Variants in TMEM108 observed in about 807,000 individuals in gnomAD.
TMEM108 encodes transmembrane protein 108.
TMEM108 carries 12 observed loss-of-function variants against 35.1 expected under a neutral mutation model. The ratio of observed to expected loss-of-function variants is 0.34; its 90% CI spans 0.22 to 0.55. The LOEUF is 0.55. TMEM108 is among the 20% of genes least tolerant of loss of function. The probability of loss-of-function intolerance (pLI) is 0.89; values close to 1 mark genes in which losing one functional copy is unlikely to be tolerated. For missense variants in TMEM108, 680 were observed against 753.3 expected, an observed-to-expected ratio of 0.90 and a Z score of 1.14; for synonymous variants, 287 against 308.6, an observed-to-expected ratio of 0.93 and a Z score of 0.73.
At chr3:133,073,163 A>G (rs1042577570) in intron 2 of TMEM108, among the ~76,000 whole-genome samples, 7 of 152,120 alleles carry the variant, frequency 4.6e-5, no homozygotes, top group African/African-American at 1.7e-4. Flanking sequence ...TCAATTTTGA[A>G]GTATACAGTA....
intron 2 of TMEM108, among the ~76,000 whole-genome samples, chr3:133,183,223 T>C (rs758688172): frequency 6.6e-6 from 1 of 152,182 alleles, no homozygotes; most frequent in Admixed American, 6.5e-5. Flanking sequence ...GTACCATCAC[T>C]TTGCAATGAT....
chr3:133,380,203 G>A lies in TMEM108; in HGVS notation c.492G>A (p.Arg164=), dbSNP rs1035458688. 6.2e-7 allele frequency: 1 copy of A among 1,610,550 alleles called. No individual in the cohort carries two copies. The highest frequency in any genetic ancestry group is 1.3e-5 in the African/African-American group (1 of 74,708). Residue 164 remains arginine (R), a synonymous_variant, in exon 4 of 6, where the codon AGG becomes AGA. Transcript: ENST00000321871. The surrounding 1 kb of genome is among the most constrained non-coding windows in gnomAD (Gnocchi z 5.3). The part of the protein sequence containing the change: ...TTAPPRTTTR[R]PPRPPGSSRK... ...CGCCCCCCCGCACTACCACACGCAG[G>A]CCCCCCAGGCCCCCAGGCTCTTCCC...
At chr3:133,393,913 G>A (rs796126450) in intron 5 of TMEM108, among the ~76,000 whole-genome samples, 1 of 152,326 alleles carries the variant, frequency 6.6e-6, no homozygotes, top group African/African-American at 2.4e-5. Context: ...CTGGTAGAAA[G>A]GGCTGCCCCA....
At chr3:133,065,601 T>C (rs1943597491) in intron 2 of TMEM108, among the ~76,000 whole-genome samples, 1 of 152,212 alleles carries the variant, frequency 6.6e-6, no homozygotes, top group African/African-American at 2.4e-5. Flanking sequence ...CTGCATTTAA[T>C]TAATAGCTTC....
At chr3:133,042,886 C>G (rs1943291710) in intron 1 of TMEM108, among the ~76,000 whole-genome samples, 1 of 152,188 alleles carries the variant, frequency 6.6e-6, no homozygotes, top group Non-Finnish European at 1.5e-5. Context: ...TATGCTGTGT[C>G]TACAGGGCTG....
intron 2 of TMEM108, among the ~76,000 whole-genome samples, chr3:133,103,919 A>G (rs750963407): frequency 2.0e-5 from 3 of 152,226 alleles, no homozygotes; most frequent in Non-Finnish European, 4.4e-5. Flanking sequence ...CTTGGCATGC[A>G]GTATGCCTTC....
At chr3:133,042,554 A>ATATTTATAAAT (rs1260202262) in intron 1 of TMEM108, among the ~76,000 whole-genome samples, 1 of 152,220 alleles carries the variant, frequency 6.6e-6, no homozygotes, top group Non-Finnish European at 1.5e-5. Context: ...GTTATTTCTG[A>ATATTTATAAAT]AGACTAAAAA....
intron 2 of TMEM108, among the ~76,000 whole-genome samples, chr3:133,200,661 A>G (rs1156980798): frequency 6.6e-6 from 1 of 152,210 alleles, no homozygotes; most frequent in Non-Finnish European, 1.5e-5. Flanking sequence ...CTGCTCTTAT[A>G]TCAATGACTT....
At chr3:133,076,475 A>G (rs1943744487) in intron 2 of TMEM108, among the ~76,000 whole-genome samples, 1 of 152,118 alleles carries the variant, frequency 6.6e-6, no homozygotes, top group Non-Finnish European at 1.5e-5. Flanking sequence ...ATGATGTTGG[A>G]GATTGGGCAG....
intron 3 of TMEM108, among the ~76,000 whole-genome samples, chr3:133,250,599 T>G (rs1188498095): frequency 6.6e-6 from 1 of 152,228 alleles, no homozygotes; most frequent in Non-Finnish European, 1.5e-5. Context: ...TGTTCAAGGG[T>G]CAACTCTATT....
intron 2 of TMEM108, among the ~76,000 whole-genome samples, chr3:133,115,358 C>A (rs1362868564): frequency 6.6e-6 from 1 of 152,160 alleles, no homozygotes; most frequent in Non-Finnish European, 1.5e-5. Context: ...ACTCACTGAG[C>A]ACTTACTAGA....
chr3:133,268,171 G>T (rs912330580), intron 3 of TMEM108, among the ~76,000 whole-genome samples: 2 of 152,218 alleles, frequency 1.3e-5, no homozygotes, highest in East Asian at 3.8e-4. Flanking sequence ...GAAGAGAATT[G>T]ATGATGTCAG....
rs572968004 is a variant in TMEM108, at chr3:133,066,820, T to C, written c.-47+20800T>C. On this transcript the variant is annotated intron_variant, in intron 2 of 5. Coordinates refer to ENST00000321871, the MANE Select transcript of TMEM108 (RefSeq NM_023943.4). ...AATTGCATTCCCTCCCTCTCTCCCC[T>C]ACTAGAGGTAATTAGTACACTAAAA... Among the ~76,000 whole-genome samples the C allele has an allele frequency of 2.6e-5, 4 of 152,324 alleles. 1 individual carries two copies. Among genetic ancestry groups the C allele is most frequent in the African/African-American group, 9.6e-5 (4 of 41,586 alleles).
At chr3:133,178,456 C>A (rs1407086276) in intron 2 of TMEM108, among the ~76,000 whole-genome samples, 16 of 152,016 alleles carry the variant, frequency 1.1e-4, no homozygotes, top group Admixed American at 4.6e-4. Flanking sequence ...GGTACCAAAA[C>A]AGAGATATAG....
At chr3:133,387,704 G>C (rs1051558304) in intron 4 of TMEM108, 1 of 651,774 alleles carries the variant, frequency 1.5e-6, no homozygotes, top group African/African-American at 2.0e-5. Context: ...GTGCACCAGG[G>C]ACAATTTGAA....
intron 2 of TMEM108, among the ~76,000 whole-genome samples, chr3:133,102,021 C>T (rs185491874): frequency 1.1e-3 from 161 of 152,276 alleles, no homozygotes; most frequent in African/African-American, 3.8e-3. Flanking sequence ...TATAGAAGTA[C>T]TAAGTCTTTT....
At chr3:133,332,843 TATTTCA>T (rs2071413994) in intron 3 of TMEM108, among the ~76,000 whole-genome samples, 1 of 152,260 alleles carries the variant, frequency 6.6e-6, no homozygotes, top group Non-Finnish European at 1.5e-5. Context: ...TTTCACAAAC[TATTTCA>T]GGAAGATAAA....
At chr3:133,181,118 A>C (rs6767920) in intron 2 of TMEM108, among the ~76,000 whole-genome samples, 62,598 of 151,128 alleles carry the variant, frequency 0.41, 13,256 homozygotes, top group Middle Eastern at 0.49. Flanking sequence ...TAAAGATAAT[A>C]CATATTAGAT....
chr3:133,246,392 G>GT (rs1182989498), intron 3 of TMEM108: 2 of 151,982 alleles, frequency 1.3e-5, no homozygotes, highest in African/African-American at 4.8e-5. Context: ...GAGTCCAGCA[G>GT]TTTTTTGGCC....
Sources: allele counts gnomAD v4.1 joint callset (sites outside exome capture counted in the v4.1 genomes callset), GRCh38; gene constraint gnomAD v4.1.1; non-coding constraint Gnocchi (gnomAD v3.1); transcripts MANE v1.5; gene names NCBI Gene and HGNC (gene_info 2026-07-23, HGNC 2026-07-21).